UGGT2: variants seen among roughly 807,000 people sequenced by gnomAD.
The protein encoded by UGGT2 is UDP-glucose:glycoprotein glucosyltransferase 2.
UGGT2 carries 180 observed loss-of-function variants against 192.1 expected under a neutral mutation model. That is an observed-to-expected ratio of 0.94 (90% CI 0.83 to 1.06). The LOEUF is 1.06. Among genes scored for constraint, UGGT2 ranks in the 50% least tolerant of loss-of-function variants. UGGT2 has a pLI of 0.00. For synonymous variants in UGGT2, 580 were observed against 591.0 expected (o/e 0.98, Z 0.27); for missense variants, 1,849 against 1,795.7 (o/e 1.03, Z -0.54).
intron 36 of UGGT2, among the ~76,000 whole-genome samples, chr13:95,844,950 T>C (rs1168793896): frequency 6.6e-6 from 1 of 152,180 alleles, no homozygotes; most frequent in African/African-American, 2.4e-5. Context: ...TTTATCAGGA[T>C]GAGGAAGTTC....
chr13:95,879,581 A>G (rs1487322585), intron 27 of UGGT2, among the ~76,000 whole-genome samples: 1 of 152,150 alleles, frequency 6.6e-6, no homozygotes, highest in Non-Finnish European at 1.5e-5. Flanking sequence ...GATTACAGGC[A>G]TAGGCCACCA....
At position 95,943,983 on chromosome 13, in the gene UGGT2, T is replaced by C. The variant is rs181569425; in HGVS notation, c.1677+3054A>G. ...TGAGTTTTTTAATCATAAAAAAGCT[T>C]TGAATTTTTTCAAATGTTTCTTGTG... On this transcript the variant is annotated intron_variant, in intron 15 of 38. Coordinates refer to ENST00000376747, the MANE Select transcript of UGGT2 (RefSeq NM_020121.4). Among the ~76,000 whole-genome samples the C allele has an allele frequency of 5.6e-4, 85 of 152,180 alleles. No individual in the cohort carries two copies. The East Asian group carries it at 0.015, about 26-fold the overall frequency.
chr13:95,832,670 T>C (rs543750418), intron 38 of UGGT2: 3 of 558,588 alleles, frequency 5.4e-6, no homozygotes, highest in South Asian at 4.3e-5. Context: ...ACCTCTATGT[T>C]GTGTCAGGAG....
chr13:95,928,159 G>C (rs563937693), intron 17 of UGGT2, among the ~76,000 whole-genome samples: 1 of 152,248 alleles, frequency 6.6e-6, no homozygotes, highest in South Asian at 2.1e-4. Context: ...ATCATGGCCC[G>C]TTCTCAATGA....
At chr13:95,931,541 AGGGTGGGGTG>A (rs973169789) in intron 17 of UGGT2, among the ~76,000 whole-genome samples, 1 of 85,994 alleles carries the variant, frequency 1.2e-5, no homozygotes, top group Non-Finnish European at 2.7e-5. Flanking sequence ...GTGCCGGGGC[AGGGTGGGGTG>A]GGGTGGGGGT....
At chr13:96,023,575 T>C (rs2052577391) in intron 3 of UGGT2, 54 bp downstream of exon 3, 2 of 1,551,554 alleles carry the variant, frequency 1.3e-6, no homozygotes, top group East Asian at 2.3e-5. Context: ...AAGAACTCTA[T>C]GTACATTGCT....
At chr13:95,958,594 C>CTT (rs747029590) in intron 12 of UGGT2, among the ~76,000 whole-genome samples, 6 of 131,280 alleles carry the variant, frequency 4.6e-5, no homozygotes, top group Admixed American at 1.5e-4. Flanking sequence ...CCCTTAAGAT[C>CTT]TTTTTTTTTT....
At chr13:95,875,442 C>T (rs1028107862) in intron 29 of UGGT2, among the ~76,000 whole-genome samples, 1 of 152,142 alleles carries the variant, frequency 6.6e-6, no homozygotes, top group Non-Finnish European at 1.5e-5. Flanking sequence ...AATATTAACG[C>T]ATTCTGCAAT....
At chr13:95,895,942 AGAAG>A (rs957928157) in intron 22 of UGGT2, among the ~76,000 whole-genome samples, 2 of 152,046 alleles carry the variant, frequency 1.3e-5, no homozygotes, top group Non-Finnish European at 2.9e-5. Context: ...CTACAAAGTT[AGAAG>A]CTGCCAAATT....
At chr13:95,854,624 A>C (rs1348967884) in intron 34 of UGGT2, 149 bp from the exon 35 acceptor site, 33 of 647,518 alleles carry the variant, frequency 5.1e-5, no homozygotes, top group Non-Finnish European at 7.7e-5. Flanking sequence ...AATTTACTGA[A>C]TTTAACATTT....
chr13:95,806,036 T>TTAA (rs1555331419), intron 38 of UGGT2, among the ~76,000 whole-genome samples: 9 of 84,830 alleles, frequency 1.1e-4, no homozygotes, highest in African/African-American at 4.0e-4. Flanking sequence ...AAGAGATTAT[T>TTAA]AAAAAAAAAA....
intron 1 of UGGT2, among the ~76,000 whole-genome samples, chr13:96,048,758 C>T (rs2053395595): frequency 6.6e-6 from 1 of 152,168 alleles, no homozygotes; most frequent in Non-Finnish European, 1.5e-5. Context: ...AATTCCTGTA[C>T]ACATACACCC....
At chr13:95,918,756 T>A (rs1375646299) in intron 20 of UGGT2, among the ~76,000 whole-genome samples, 2 of 152,012 alleles carry the variant, frequency 1.3e-5, no homozygotes, top group African/African-American at 4.8e-5. Context: ...AAAAAAAGCC[T>A]AGGACCAGAT....
chr13:95,924,498 G>A (rs2048958392), intron 20 of UGGT2, among the ~76,000 whole-genome samples: 1 of 136,270 alleles, frequency 7.3e-6, no homozygotes, highest in African/African-American at 2.7e-5. Context: ...AAATAAAAAT[G>A]CTTAATTTAA....
chr13:95,960,453 A>G (rs1335042488), intron 12 of UGGT2, among the ~76,000 whole-genome samples: 3 of 151,880 alleles, frequency 2.0e-5, no homozygotes, highest in Non-Finnish European at 4.4e-5. Context: ...AATCAAGTAG[A>G]ATCAAGAATC....
At chr13:95,917,688 C>T (rs2048723077) in intron 20 of UGGT2, among the ~76,000 whole-genome samples, 1 of 152,134 alleles carries the variant, frequency 6.6e-6, no homozygotes, top group Admixed American at 6.5e-5. Flanking sequence ...GAAAGACACA[C>T]ATAGGCTCAA....
At chr13:95,826,413 G>A (rs938662027) in intron 38 of UGGT2, among the ~76,000 whole-genome samples, 13 of 152,086 alleles carry the variant, frequency 8.5e-5, no homozygotes, top group African/African-American at 3.1e-4. Context: ...TGATCAGAAA[G>A]GAAAAGGGAA....
At chr13:95,905,569 CTTGT>C (rs1224543517) in intron 20 of UGGT2, among the ~76,000 whole-genome samples, 1 of 151,698 alleles carries the variant, frequency 6.6e-6, no homozygotes, top group African/African-American at 2.4e-5. Context: ...TTCCCCATTG[CTTGT>C]TTTTCTCAGG....
At chr13:96,015,391 C>A (rs149015980) in intron 4 of UGGT2, among the ~76,000 whole-genome samples, 89 of 152,152 alleles carry the variant, frequency 5.8e-4, no homozygotes, top group African/African-American at 2.0e-3. Flanking sequence ...ATAGACTTTA[C>A]ACACAAAGGT....
Sources: allele counts gnomAD v4.1 joint callset (sites outside exome capture counted in the v4.1 genomes callset), GRCh38; gene constraint gnomAD v4.1.1; transcripts MANE v1.5; gene names NCBI Gene and HGNC (gene_info 2026-07-23, HGNC 2026-07-21).